The following TGM6 variants were observed in gnomAD, a reference collection of about 807,000 sequenced individuals.
The protein encoded by TGM6 is protein-glutamine gamma-glutamyltransferase 6.
Under a neutral mutation model 77.5 loss-of-function variants are expected in TGM6, and 74 were observed. That is an observed-to-expected ratio of 0.96 (90% confidence interval 0.79 to 1.16). TGM6 has a LOEUF of 1.16. TGM6 is among the 50% of genes most tolerant of loss of function. The pLI, the probability that TGM6 is intolerant of heterozygous loss-of-function variation, is 0.00. For missense variants in TGM6, 968 were observed against 940.2 expected (o/e 1.03, Z -0.39); for synonymous variants, 383 against 378.9 (o/e 1.01, Z -0.12).
At chr20:2,400,250 A>T in intron 6 of TGM6, 56 bp from the exon 7 acceptor site, 1 of 1,610,448 alleles carries the variant, frequency 6.2e-7, no homozygotes. Flanking sequence ...TGTGGAAGCC[A>T]GGCCCCTCTC....
intron 1 of TGM6, among the ~76,000 whole-genome samples, chr20:2,385,035 C>A (rs1315525118): frequency 1.3e-5 from 2 of 152,200 alleles, no homozygotes; most frequent in Non-Finnish European, 2.9e-5. Flanking sequence ...CTCCCATCCC[C>A]TCCATTGGGC....
intron 3 of TGM6, among the ~76,000 whole-genome samples, chr20:2,395,683 G>A (rs1230156492): frequency 2.0e-5 from 3 of 152,190 alleles, no homozygotes; most frequent in Non-Finnish European, 4.4e-5. Context: ...CAGGACTTGG[G>A]AATCAGACTG....
intron 5 of TGM6, 75 bp downstream of exon 5, chr20:2,398,121 A>G: frequency 1.9e-6 from 3 of 1,611,334 alleles, no homozygotes; most frequent in Non-Finnish European, 2.5e-6. Context: ...ACAACCTGTG[A>G]TTCTTCCCAT....
chr20:2,398,003 G>T lies in TGM6; in HGVS notation c.629G>T (p.Cys210Phe). ...AACAACCCAGCCACCGACGTGTCCTGCCGCCACAACCCCATCTACGTCACC... is the reference window on the plus strand; with the variant it reads ...AACAACCCAGCCACCGACGTGTCCTTCCGCCACAACCCCATCTACGTCACC... ...HQNNPATDVS[C>F]RHNPIYVTRV... is the part of the protein sequence containing the mutation. Residue 210 changes from cysteine to phenylalanine, a missense_variant, in exon 5 of 13, where the codon TGC (cysteine) becomes TTC (phenylalanine). By Grantham distance (205) the Cys-to-Phe change is radical. Transcript: ENST00000202625. 6.2e-7 allele frequency: 1 copy of T among 1,614,134 alleles called. No homozygotes were observed. The highest frequency in any genetic ancestry group is 8.5e-7 in the Non-Finnish European group (1 of 1,180,022).
intron 10 of TGM6, among the ~76,000 whole-genome samples, chr20:2,421,538 C>T (rs2084856504): frequency 6.6e-6 from 1 of 152,204 alleles, no homozygotes; most frequent in African/African-American, 2.4e-5. Context: ...TGACATATGA[C>T]ATTGAGCATC....
chr20:2,398,170 C>A (rs1488091558), intron 5 of TGM6, 124 bp downstream of exon 5: 7 of 1,502,718 alleles, frequency 4.7e-6, no homozygotes, highest in Non-Finnish European at 6.4e-6. Flanking sequence ...CAGAACCAAC[C>A]ACCCCAAAAC....
rs1314528051 is a variant in TGM6 at position 2,400,322 on chromosome 20, G to C, written c.867G>C (p.Gly289=). ...GCTCTGCAGTCCTCAGGTGCTTGGG[G>C]ATAGCCACACGGGTCGTGTCCAACT... ...GVLCTVLRCL[G]IATRVVSNFN... Residue 289 remains glycine, a synonymous_variant, in exon 7 of 13, where the codon GGG becomes GGC. Transcript: ENST00000202625. 6.2e-7 allele frequency: 1 copy of C among 1,614,102 alleles called. No homozygotes were observed. The highest frequency in any genetic ancestry group is 1.3e-5 in the African/African-American group (1 of 74,940).
At chr20:2,398,409 T>C (rs1568658045) in intron 5 of TGM6, among the ~76,000 whole-genome samples, 1 of 152,144 alleles carries the variant, frequency 6.6e-6, no homozygotes, top group Non-Finnish European at 1.5e-5. Flanking sequence ...AACTGGAATG[T>C]CCAGGATGGC....
intron 7 of TGM6, among the ~76,000 whole-genome samples, chr20:2,401,709 G>C (rs2084710686): frequency 6.6e-6 from 1 of 152,180 alleles, no homozygotes; most frequent in East Asian, 1.9e-4. Flanking sequence ...GAGAGGTTAA[G>C]TAACCCATCC....
At chr20:2,407,055 A>G (rs926380096) in intron 9 of TGM6, among the ~76,000 whole-genome samples, 9 of 152,124 alleles carry the variant, frequency 5.9e-5, no homozygotes, top group African/African-American at 2.2e-4. Context: ...TACAGAGGAG[A>G]AGACAGATGT....
chr20:2,397,391 T>C (rs1006902345), intron 4 of TGM6, among the ~76,000 whole-genome samples: 1 of 151,820 alleles, frequency 6.6e-6, no homozygotes, highest in Non-Finnish European at 1.5e-5. Flanking sequence ...AGGCCAGGGG[T>C]TTAAAGGCTT....
chr20:2,406,492 C>CAAA (rs10626077), intron 9 of TGM6, among the ~76,000 whole-genome samples: 276 of 131,048 alleles, frequency 2.1e-3, no homozygotes, highest in East Asian at 7.6e-3. Context: ...GACCCTGTCT[C>CAAA]AAAAAAAAAA....
chr20:2,399,786 T>G, intron 6 of TGM6, 48 bp downstream of exon 6: 1 of 1,518,054 alleles, frequency 6.6e-7, no homozygotes, highest in Admixed American at 2.0e-5. Flanking sequence ...CCCAGCTTCC[T>G]CTATCTAAAT....
chr20:2,410,387 C>G (rs2122392268), intron 9 of TGM6, among the ~76,000 whole-genome samples: 1 of 152,260 alleles, frequency 6.6e-6, no homozygotes, highest in South Asian at 2.1e-4. Context: ...ACCCCTGCCC[C>G]CTGCCATACC....
At position 2,430,998 on chromosome 20, in the gene TGM6, C is replaced by T. The variant is rs140726398; in HGVS notation, c.1938C>T (p.Ser646=). The change falls in exon 12 of 13, where the codon AGC becomes AGT. Residue 646 remains serine (S), a synonymous_variant. Transcript: ENST00000202625. ...VKDCALMVEG[S]GLLQEQLSID... Reference sequence around the variant, plus strand: ...ACTGTGCGCTGATGGTGGAGGGCAGCGGCCTTCTCCAGGAACAGCTCAGCA... The same window carrying T: ...ACTGTGCGCTGATGGTGGAGGGCAGTGGCCTTCTCCAGGAACAGCTCAGCA... 9.9e-6 allele frequency: 16 copies of T among 1,613,962 alleles called. No individual in the cohort carries two copies. The African/African-American group carries it at 1.1e-4, about 11-fold the overall frequency.
At chr20:2,420,619 C>G (rs1340268618) in intron 10 of TGM6, among the ~76,000 whole-genome samples, 1 of 152,188 alleles carries the variant, frequency 6.6e-6, no homozygotes. Flanking sequence ...TCCCCATGTT[C>G]CAGCTATGTG....
chr20:2,397,326 G>A (rs149861430), intron 4 of TGM6, among the ~76,000 whole-genome samples: 2,074 of 152,252 alleles, frequency 0.014, 42 homozygotes, highest in African/African-American at 0.046. Context: ...CCAGGTCCCC[G>A]GTGGAAGAAA....
chr20:2,396,236 T>A (rs1337875241), intron 3 of TGM6, among the ~76,000 whole-genome samples: 1 of 150,518 alleles, frequency 6.6e-6, no homozygotes, highest in Non-Finnish European at 1.5e-5. Flanking sequence ...ATGAGAAATA[T>A]GAGGCTACTA....
intron 9 of TGM6, among the ~76,000 whole-genome samples, chr20:2,407,665 G>T (rs1206964257): frequency 2.0e-5 from 3 of 152,196 alleles, no homozygotes; most frequent in African/African-American, 7.2e-5. Flanking sequence ...GTACAGGGAG[G>T]TTAAGTAACT....
Sources: gnomAD v4.1 joint callset for allele counts (sites outside exome capture counted in the v4.1 genomes callset) on GRCh38, gnomAD v4.1.1 for gene constraint, MANE v1.5 for transcripts, NCBI Gene and HGNC (gene_info 2026-07-23, HGNC 2026-07-21) for gene names.